The following DEDD variants were observed in gnomAD, a reference collection of about 807,000 sequenced individuals.
DEDD encodes the protein death effector domain containing.
DEDD carries 3 observed loss-of-function variants against 29.2 expected under a neutral mutation model. The ratio of observed to expected loss-of-function variants is 0.10; its 90% confidence interval spans 0.05 to 0.27. DEDD has a LOEUF of 0.27. DEDD is among the 10% of genes least tolerant of loss of function. The probability of loss-of-function intolerance (pLI) is 1.00; values close to 1 mark genes in which losing one functional copy is unlikely to be tolerated. For missense variants in DEDD, 261 were observed against 420.5 expected (o/e 0.62, Z 3.32); for synonymous variants, 152 against 161.3 (o/e 0.94, Z 0.44).
At chr1:161,124,981 T>G (rs1329403820) in intron 2 of DEDD, 2 of 150,938 alleles carry the variant, frequency 1.3e-5, no homozygotes, top group African/African-American at 2.5e-5. Context: ...CTGTAGTCCC[T>G]GCTACTCAGG....
intron 2 of DEDD, among the ~76,000 whole-genome samples, chr1:161,129,669 TAAAAC>T (rs1210123523): frequency 3.9e-5 from 6 of 152,098 alleles, no homozygotes; most frequent in Non-Finnish European, 7.4e-5. Context: ...GAGCTCAACT[TAAAAC>T]ATACAGAGAT....
chr1:161,123,497 G>A (rs1203860272), intron 4 of DEDD, among the ~76,000 whole-genome samples: 2 of 152,002 alleles, frequency 1.3e-5, no homozygotes, highest in African/African-American at 4.8e-5. Flanking sequence ...TTAGCTGGGC[G>A]TGCTGGCGGG....
rs544988027 is a variant in DEDD, at chr1:161,128,252, G to C, written c.-65+2563C>G. On this transcript the variant is annotated intron_variant, in intron 2 of 5. Coordinates refer to ENST00000368006, the MANE Select transcript of DEDD (RefSeq NM_032998.3). ...GGAGACATTTCTGATTATTATGCCT[G>C]GTGGGGAAGGGGACTGCCATCAGCA... Among the ~76,000 whole-genome samples, 53 of 152,286 alleles carry C rather than the reference G, an allele frequency of 3.5e-4. 1 individual carries two copies. The South Asian group carries it at 1.0e-2, about 29-fold the overall frequency.
rs1655557151 is a variant in DEDD at position 161,122,041 on chromosome 1, AGG to A, written c.*104_*105del. The A allele has an allele frequency of 1.6e-5, 21 of 1,313,492 alleles. No homozygotes were observed. The highest frequency in any genetic ancestry group is 2.1e-5 in the Non-Finnish European group (20 of 974,212). The allele number at this position is 1,313,492 out of a possible 1,614,324, so 81.4% of individuals were successfully genotyped here. A position where few individuals can be genotyped will look rare whatever the true frequency, so the allele number is the denominator to read the frequency against. On this transcript the variant is annotated 3_prime_UTR_variant, in exon 6 of 6. Transcript: ENST00000368006. The surrounding 1 kb of genome is among the most constrained non-coding windows in gnomAD (Gnocchi z 4.2). ...TTTTTCTTTAAAAAAAAAAAAAAAA[AGG>A]CAGGGGTGTGATTGGTTGGAAGGGT...
At chr1:161,131,143 C>T (rs1656633190) in intron 1 of DEDD, 1 of 152,186 alleles carries the variant, frequency 6.6e-6, no homozygotes, top group Admixed American at 6.5e-5. Flanking sequence ...AACCAATTAC[C>T]CTCTGGCAGC....
chr1:161,131,651 C>T (rs991858114), intron 1 of DEDD, among the ~76,000 whole-genome samples: 1 of 152,138 alleles, frequency 6.6e-6, no homozygotes, highest in Non-Finnish European at 1.5e-5. Context: ...GCAGGAAAAA[C>T]AAGGGAACAG....
In DEDD at chr1:161,124,235, G is replaced by A. The variant is rs752735474; in HGVS notation, c.228C>T (p.Arg76=). 2.5e-6 allele frequency: 4 copies of A among 1,614,246 alleles called. No individual in the cohort carries two copies. Among genetic ancestry groups the A allele is most frequent in the Non-Finnish European group, 3.4e-6 (4 of 1,180,056 alleles). ...CCTGGCGAAAGTTACTTTCATCACAGCGGCCCTGGCGCTCCAGTGCCAATA... is the reference window on the plus strand; with the variant it reads ...CCTGGCGAAAGTTACTTTCATCACAACGGCCCTGGCGCTCCAGTGCCAATA... ...DFLLALERQG[R]CDESNFRQVL... Residue 76 remains arginine, a synonymous_variant, in exon 3 of 6, where the codon CGC becomes CGT. Transcript: ENST00000368006.
intron 1 of DEDD, among the ~76,000 whole-genome samples, chr1:161,131,590 A>T (rs1656674266): frequency 6.6e-6 from 1 of 152,080 alleles, no homozygotes; most frequent in Admixed American, 6.5e-5. Context: ...AAACTAGAAA[A>T]GTCCTTTGCT....
At chr1:161,129,297 T>G (rs1418091856) in intron 2 of DEDD, among the ~76,000 whole-genome samples, 2 of 151,958 alleles carry the variant, frequency 1.3e-5, no homozygotes, top group Non-Finnish European at 2.9e-5. Context: ...ACTTTAACAT[T>G]AAAAGAATGT....
chr1:161,123,257 G>A, intron 4 of DEDD, 36 bp from the exon 5 acceptor site: 1 of 1,581,916 alleles, frequency 6.3e-7, no homozygotes, highest in African/African-American at 1.3e-5. Context: ...AACACAGTAG[G>A]GTAAAGGCAG....
At position 161,122,617 on chromosome 1, in the gene DEDD, A is replaced by G. The variant is rs1026310073; in HGVS notation, c.581-94T>C. On this transcript the variant is annotated intron_variant, in intron 5 of 5. Coordinates refer to ENST00000368006, the MANE Select transcript of DEDD (RefSeq NM_032998.3). The surrounding 1 kb of genome is among the most constrained non-coding windows in gnomAD (Gnocchi z 4.2). ...AAACTGAAAAGCACAACAGAATAAA[A>G]AAGTAGGGAATATCACCTGACAGCT... The G allele has an allele frequency of 6.8e-7, 1 of 1,469,682 alleles. No homozygotes were observed. The highest frequency in any genetic ancestry group is 9.2e-7 in the Non-Finnish European group (1 of 1,091,904). The allele number at this position is 1,469,682 out of a possible 1,614,324, so 91.0% of individuals were successfully genotyped here. A position where few individuals can be genotyped will look rare whatever the true frequency, so the allele number is the denominator to read the frequency against.
At chr1:161,128,268 G>A (rs1656352885) in intron 2 of DEDD, among the ~76,000 whole-genome samples, 1 of 152,170 alleles carries the variant, frequency 6.6e-6, no homozygotes, top group Non-Finnish European at 1.5e-5. Context: ...GAAGGGGACT[G>A]CCATCAGCAT....
chr1:161,129,308 G>A (rs1656463456), intron 2 of DEDD, among the ~76,000 whole-genome samples: 1 of 152,070 alleles, frequency 6.6e-6, no homozygotes. Context: ...AAAAGAATGT[G>A]ATGAGGCCTC....
intron 2 of DEDD, among the ~76,000 whole-genome samples, chr1:161,126,750 G>A (rs1656220833): frequency 6.6e-6 from 1 of 152,016 alleles, no homozygotes; most frequent in Non-Finnish European, 1.5e-5. Flanking sequence ...TTATCAGTTT[G>A]TTTATAGTTC....
At position 161,130,842 on chromosome 1, in the gene DEDD, C is replaced by T. The variant is rs569996624; in HGVS notation, c.-92G>A. On this transcript the variant is annotated 5_prime_UTR_variant, in exon 2 of 6. Coordinates refer to ENST00000368006, the MANE Select transcript of DEDD (RefSeq NM_032998.3). ...CCGCAAGAAACTTAATTTCCCAGGT[C>T]TCTTCCTAGCACAAGTTTCACAGCC... 1 of 152,190 alleles carries T rather than the reference C, an allele frequency of 6.6e-6. No individual in the cohort carries two copies. The highest frequency in any genetic ancestry group is 1.5e-5 in the Non-Finnish European group (1 of 68,040). The allele number at this position is 152,190 out of a possible 1,614,324, so 9.4% of individuals were successfully genotyped here. A position where few individuals can be genotyped will look rare whatever the true frequency, so the allele number is the denominator to read the frequency against.
At position 161,124,382 on chromosome 1, in the gene DEDD, G is replaced by A. The variant is rs781651990; in HGVS notation, c.81C>T (p.His27=). 3.7e-6 allele frequency: 6 copies of A among 1,614,098 alleles called. No homozygotes were observed. In the East Asian group the frequency reaches 6.7e-5, roughly 18 times the overall value. The change falls in exon 3 of 6, where the codon CAC becomes CAT. Residue 27 remains histidine, a synonymous_variant. Coordinates refer to ENST00000368006, the MANE Select transcript of DEDD (RefSeq NM_032998.3). ...GEQEHGLYSL[H]RMFDIVGTHL... ...GAGTGCCCACGATGTCAAACATGCG[G>A]TGCAGGCTGTACAGCCCATGTTCCT...
At position 161,122,997 on chromosome 1, in the gene DEDD, A is replaced by G. The variant is rs775880098; in HGVS notation, c.580+78T>C. ...AAGTGAATCTCACACTGAATAGCATAAACTGCCCAGTGTCCCAGCAGTTCT... is the reference window on the plus strand; with the variant it reads ...AAGTGAATCTCACACTGAATAGCATGAACTGCCCAGTGTCCCAGCAGTTCT... On this transcript the variant is annotated intron_variant, in intron 5 of 5. Transcript: ENST00000368006. The surrounding 1 kb of genome is among the most constrained non-coding windows in gnomAD (Gnocchi z 4.2). The G allele has an allele frequency of 5.0e-6, 8 of 1,614,018 alleles. No homozygotes were observed. In the South Asian group the frequency reaches 7.7e-5, roughly 16 times the overall value.
chr1:161,124,509 G>A lies in DEDD; in HGVS notation c.-47C>T, dbSNP rs368711764. The A allele has an allele frequency of 1.1e-5, 17 of 1,563,790 alleles. No individual in the cohort carries two copies. In the South Asian group the frequency reaches 1.8e-4, roughly 17 times the overall value. Reference sequence around the variant, plus strand: ...TGCTTTCCAGAATCCCTGCTCAGCAGCTGCAATCCCCACCGTACTGAAAGG... The same window carrying A: ...TGCTTTCCAGAATCCCTGCTCAGCAACTGCAATCCCCACCGTACTGAAAGG... On this transcript the variant is annotated 5_prime_UTR_variant, in exon 3 of 6. Coordinates refer to ENST00000368006, the MANE Select transcript of DEDD (RefSeq NM_032998.3).
chr1:161,123,196 A>G lies in DEDD; in HGVS notation c.459T>C (p.Cys153=), dbSNP rs756139518. Residue 153 remains cysteine (C), a synonymous_variant, in exon 5 of 6, where the codon TGT becomes TGC. Coordinates refer to ENST00000368006, the MANE Select transcript of DEDD (RefSeq NM_032998.3). Reference sequence around the variant, plus strand: ...ACATCTGAGGACCCGAAGTGGGGCAACACACCACAGGATAGTGGGGAGGCA... The same window carrying G: ...ACATCTGAGGACCCGAAGTGGGGCAGCACACCACAGGATAGTGGGGAGGCA... ...KTVPPHYPVV[C]CPTSGPQMCS... 18 of 1,614,092 alleles carry G rather than the reference A, an allele frequency of 1.1e-5. No homozygotes were observed. Among genetic ancestry groups the G allele is most frequent in the African/African-American group, 1.3e-5 (1 of 74,932 alleles).
Sources: allele counts gnomAD v4.1 joint callset (sites outside exome capture counted in the v4.1 genomes callset), GRCh38; gene constraint gnomAD v4.1.1; non-coding constraint Gnocchi (gnomAD v3.1); transcripts MANE v1.5; gene names NCBI Gene and HGNC (gene_info 2026-07-23, HGNC 2026-07-21).